The following ZNF423 variants were observed in gnomAD, a reference collection of about 807,000 sequenced individuals.
ZNF423 encodes Ebf-associated zinc finger protein.
In ZNF423, 12 loss-of-function variants were observed where a neutral mutation model predicts 95.8. That is an observed-to-expected ratio of 0.13 (90% CI 0.08 to 0.20). ZNF423 has a LOEUF of 0.20. ZNF423 is among the 10% of genes least tolerant of loss of function. The pLI is 1.00. For missense variants in ZNF423, 1,316 were observed against 1,737.1 expected (o/e 0.76, Z 4.31); for synonymous variants, 749 against 711.9 (o/e 1.05, Z -0.83).
intron 1 of ZNF423, among the ~76,000 whole-genome samples, chr16:49,797,958 C>G (rs961008535): frequency 6.6e-6 from 1 of 152,116 alleles, no homozygotes; most frequent in Non-Finnish European, 1.5e-5. Context: ...ACCTATGATA[C>G]CAGCACTTTG....
intron 5 of ZNF423, among the ~76,000 whole-genome samples, chr16:49,531,086 G>A (rs1225393420): frequency 6.6e-6 from 1 of 152,216 alleles, no homozygotes; most frequent in Non-Finnish European, 1.5e-5. Context: ...CTGAGGAAGG[G>A]GAGGAGGTAG....
At chr16:49,813,971 A>G (rs891902192) in intron 1 of ZNF423, among the ~76,000 whole-genome samples, 1 of 152,236 alleles carries the variant, frequency 6.6e-6, no homozygotes, top group Non-Finnish European at 1.5e-5. Context: ...AGCTGGAAAA[A>G]GAAAACAAGC....
chr16:49,712,899 G>A (rs971753009), intron 3 of ZNF423, among the ~76,000 whole-genome samples: 34 of 152,206 alleles, frequency 2.2e-4, no homozygotes, highest in Non-Finnish European at 2.1e-4. Context: ...GAATGACACC[G>A]TCGTGCAGGT....
chr16:49,680,060 A>T (rs1284496623), intron 3 of ZNF423, among the ~76,000 whole-genome samples: 1 of 152,124 alleles, frequency 6.6e-6, no homozygotes, highest in South Asian at 2.1e-4. Context: ...GACACAAGTT[A>T]GTACAACCTG....
intron 1 of ZNF423, among the ~76,000 whole-genome samples, chr16:49,829,583 C>CCAGGAAGGCGGCTGAACTGTGT (rs2035040938): frequency 6.6e-6 from 1 of 152,242 alleles, no homozygotes; most frequent in Non-Finnish European, 1.5e-5. Context: ...CACCTACCAG[C>CCAGGAAGGCGGCTGAACTGTGT]CAGGAAGGCG....
At chr16:49,578,142 C>T (rs191725548) in intron 5 of ZNF423, among the ~76,000 whole-genome samples, 1 of 152,312 alleles carries the variant, frequency 6.6e-6, no homozygotes, top group Non-Finnish European at 1.5e-5. Context: ...CAAATGGCAC[C>T]AGTCCCAGTA....
chr16:49,673,424 G>A (rs964281537), intron 3 of ZNF423, among the ~76,000 whole-genome samples: 2 of 152,350 alleles, frequency 1.3e-5, no homozygotes, highest in South Asian at 4.1e-4. Context: ...TCCCACCAGC[G>A]TGAGCGGTGG....
chr16:49,663,141 G>A (rs182999961), intron 3 of ZNF423, among the ~76,000 whole-genome samples: 64 of 152,210 alleles, frequency 4.2e-4, no homozygotes, highest in Admixed American at 1.9e-3. Flanking sequence ...ACCCCATCGC[G>A]CCATTCTCAC....
At chr16:49,626,600 T>A (rs1361526600) in intron 4 of ZNF423, among the ~76,000 whole-genome samples, 2 of 151,734 alleles carry the variant, frequency 1.3e-5, no homozygotes, top group African/African-American at 4.8e-5. Context: ...CCATCCTCCA[T>A]CTACCCATCC....
chr16:49,804,386 A>C (rs2034629764), intron 1 of ZNF423, among the ~76,000 whole-genome samples: 1 of 152,192 alleles, frequency 6.6e-6, no homozygotes, highest in African/African-American at 2.4e-5. Flanking sequence ...CCTGCTCAAA[A>C]GTAAAGTTCA....
At chr16:49,523,588 A>C in intron 7 of ZNF423, 36 bp downstream of exon 7, 2 of 1,576,098 alleles carry the variant, frequency 1.3e-6, no homozygotes, top group Non-Finnish European at 1.7e-6. Flanking sequence ...ACCGAGGACC[A>C]TCAGGCGGCG....
At chr16:49,699,880 A>T (rs541845451) in intron 3 of ZNF423, among the ~76,000 whole-genome samples, 2 of 152,282 alleles carry the variant, frequency 1.3e-5, no homozygotes, top group East Asian at 3.9e-4. Flanking sequence ...AGTGAGGGCC[A>T]AAGTCTCCAA....
At chr16:49,714,572 G>A (rs1354966853) in intron 3 of ZNF423, among the ~76,000 whole-genome samples, 1 of 150,954 alleles carries the variant, frequency 6.6e-6, no homozygotes. Context: ...CTTGAGCCCG[G>A]GAGGTGGAGG....
At chr16:49,540,078 G>A (rs1335461145) in intron 5 of ZNF423, among the ~76,000 whole-genome samples, 2 of 152,164 alleles carry the variant, frequency 1.3e-5, no homozygotes, top group East Asian at 1.9e-4. Context: ...GTCTAGAGGG[G>A]TGATACCTCC....
chr16:49,648,082 A>C (rs1973245829), intron 3 of ZNF423, among the ~76,000 whole-genome samples: 1 of 152,216 alleles, frequency 6.6e-6, no homozygotes, highest in Non-Finnish European at 1.5e-5. Context: ...GAAAACCTAA[A>C]TCACTTTAGG....
intron 5 of ZNF423, among the ~76,000 whole-genome samples, chr16:49,619,127 T>A (rs1971974438): frequency 6.6e-6 from 1 of 152,188 alleles, no homozygotes; most frequent in Admixed American, 6.5e-5. Context: ...CCTGATTAGG[T>A]GTAACCTCTT....
intron 3 of ZNF423, among the ~76,000 whole-genome samples, chr16:49,727,395 G>A (rs1478726692): frequency 1.3e-5 from 2 of 152,044 alleles, no homozygotes; most frequent in South Asian, 2.1e-4. Flanking sequence ...CACCCCTGAG[G>A]GGTAAGCATC....
chr16:49,772,335 G>A (rs753670026), intron 2 of ZNF423, among the ~76,000 whole-genome samples: 13 of 152,314 alleles, frequency 8.5e-5, no homozygotes, highest in African/African-American at 2.6e-4. Context: ...GGTGAGAGCC[G>A]TCTGCTTTAT....
Position 49,789,478 on chromosome 16 carries a change from G to A in ZNF423, c.100+9C>T. 2 of 1,611,656 alleles carry A rather than the reference G, an allele frequency of 1.2e-6. No individual in the cohort carries two copies. Among genetic ancestry groups the A allele is most frequent in the Non-Finnish European group, 1.7e-6 (2 of 1,179,282 alleles). On this transcript the variant is annotated intron_variant, in intron 2 of 7. Coordinates refer to ENST00000563137, the MANE Select transcript of ZNF423 (RefSeq NM_001379286.1). The stretch of plus-strand genomic sequence containing the variant: ...CCTGCAACTCTTCCACCAGCCCCCG[G>A]GCATTTACCTGCTGCTGTCACGGAG...
Sources: gnomAD v4.1 joint callset for allele counts (sites outside exome capture counted in the v4.1 genomes callset) on GRCh38, gnomAD v4.1.1 for gene constraint, MANE v1.5 for transcripts, NCBI Gene and HGNC (gene_info 2026-07-23, HGNC 2026-07-21) for gene names.